Variants in MAP3K4 observed in about 807,000 individuals in gnomAD.
The protein encoded by MAP3K4 is mitogen-activated protein kinase kinase kinase 4.
A neutral mutation model predicts 185.6 loss-of-function variants in MAP3K4; 67 were observed. That is an observed-to-expected ratio of 0.36 (90% CI 0.30 to 0.44). The LOEUF (loss-of-function observed/expected upper bound fraction) is 0.44, where lower values mean the gene tolerates loss of function less well. Among genes scored for constraint, MAP3K4 ranks in the 20% least tolerant of loss-of-function variants. The pLI is 1.00. For synonymous variants in MAP3K4, 702 were observed against 710.4 expected (o/e 0.99, Z 0.19); for missense variants, 1,551 against 1,995.1 (o/e 0.78, Z 4.24).
rs537941818 is a variant in MAP3K4, at chr6:161,082,863, A to T, written c.2256-1638A>T. Among the ~76,000 whole-genome samples, 6 of 152,314 alleles carry T rather than the reference A, an allele frequency of 3.9e-5. No individual in the cohort carries two copies. The South Asian group carries it at 1.0e-3, about 26-fold the overall frequency. Reference sequence around the variant, plus strand: ...TCCTAGAGTTTATTCTCAACACCACAGCCTGAATGGTCTGGTTAAAGTGTA... The same window carrying T: ...TCCTAGAGTTTATTCTCAACACCACTGCCTGAATGGTCTGGTTAAAGTGTA... On this transcript the variant is annotated intron_variant, in intron 6 of 26. Transcript: ENST00000392142. This position sits in a 1 kb window ranked among gnomAD's most constrained non-coding sequence, Gnocchi z 4.2.
intron 19 of MAP3K4, among the ~76,000 whole-genome samples, chr6:161,104,833 G>A (rs574682517): frequency 1.3e-5 from 2 of 152,180 alleles, no homozygotes; most frequent in East Asian, 3.9e-4. Flanking sequence ...GATTTGCAGT[G>A]TTGTATATTG....
Position 161,086,801 on chromosome 6 carries a change from G to A in MAP3K4, c.2556+134G>A, listed in dbSNP as rs959975796. On this transcript the variant is annotated intron_variant, in intron 9 of 26. Coordinates refer to ENST00000392142, the MANE Select transcript of MAP3K4 (RefSeq NM_005922.4). This position sits in a 1 kb window ranked among gnomAD's most constrained non-coding sequence, Gnocchi z 4.8. ...GGCTGTACCACAACCCCAGTTGTAA[G>A]ACTGTCCTGTAATTCACCAGTGGAA... is the stretch of plus-strand genomic sequence containing the variant. The A allele has an allele frequency of 4.7e-6, 3 of 638,478 alleles. No individual in the cohort carries two copies. The African/African-American group carries it at 5.5e-5, about 12-fold the overall frequency. The allele number at this position is 638,478 out of a possible 1,614,324, so 39.6% of individuals were successfully genotyped here.
chr6:160,998,891 C>T (rs1781136660), intron 1 of MAP3K4, among the ~76,000 whole-genome samples: 1 of 152,174 alleles, frequency 6.6e-6, no homozygotes, highest in South Asian at 2.1e-4. Context: ...GTGCCTTTGC[C>T]TTTAAATATT....
At position 161,102,797 on chromosome 6, in the gene MAP3K4, GA is replaced by G; in HGVS notation, c.3856+20del. The G allele has an allele frequency of 3.3e-6, 2 of 601,408 alleles. No individual in the cohort carries two copies. Among genetic ancestry groups the G allele is most frequent in the African/African-American group, 2.2e-5 (1 of 46,234 alleles). 37.3% of individuals were successfully genotyped at this position (601,408 alleles called of 1,614,324 possible). On this transcript the variant is annotated intron_variant, in intron 19 of 26. Coordinates refer to ENST00000392142, the MANE Select transcript of MAP3K4 (RefSeq NM_005922.4). ...GAGTAAAGGTGAGAGAAAGAGTGTTGAAGTTAAAAAAAAAAAAAAAAAAAAA... is the reference window on the plus strand; with the variant it reads ...GAGTAAAGGTGAGAGAAAGAGTGTTGAGTTAAAAAAAAAAAAAAAAAAAAA...
At position 161,049,489 on chromosome 6, in the gene MAP3K4, A is replaced by T; in HGVS notation, c.1217A>T (p.Lys406Ile). ...WLNITKDLNQ[K>I]LRIMGTVLGI... Reference sequence around the variant, plus strand: ...AACATCACAAAAGACTTAAATCAGAAATTAAGGATTATGGGCACTGTTTTG... The same window carrying T: ...AACATCACAAAAGACTTAAATCAGATATTAAGGATTATGGGCACTGTTTTG... Residue 406 changes from lysine to isoleucine, a missense_variant, in exon 3 of 27, where the codon AAA becomes ATA. Physicochemically the swap from Lys to Ile is moderately radical, Grantham distance 102. Around this residue, in one of 16 missense-constraint regions of MAP3K4, gnomAD observed 24 missense variants for 48.5 expected, o/e 0.49. Transcript: ENST00000392142. This position sits in a 1 kb window ranked among gnomAD's most constrained non-coding sequence, Gnocchi z 8.4. 1 of 1,614,188 alleles carries T rather than the reference A, an allele frequency of 6.2e-7. No homozygotes were observed. The highest frequency in any genetic ancestry group is 8.5e-7 in the Non-Finnish European group (1 of 1,180,030).
rs745441121 is a variant in MAP3K4, at chr6:161,112,890, G to C, written c.4626+116G>C. 5.5e-6 allele frequency: 3 copies of C among 548,630 alleles called. No homozygotes were observed. The African/African-American group carries it at 5.8e-5, about 11-fold the overall frequency. The allele number at this position is 548,630 out of a possible 1,614,324, so 34.0% of individuals were successfully genotyped here. A position where few individuals can be genotyped will look rare whatever the true frequency, so the allele number is the denominator to read the frequency against. The stretch of plus-strand genomic sequence containing the variant: ...ACACTGTGGACACTAAATAGCGAAC[G>C]ATATTAGATACAAAAATCTGATCCA... On this transcript the variant is annotated intron_variant, in intron 25 of 26. Transcript: ENST00000392142. The surrounding 1 kb of genome is among the most constrained non-coding windows in gnomAD (Gnocchi z 5.1).
rs758885683 is a variant in MAP3K4 at position 161,048,285 on chromosome 6, A to G, written c.344-331A>G. The G allele has an allele frequency of 1.8e-6, 1 of 556,112 alleles. No homozygotes were observed. The highest frequency in any genetic ancestry group is 1.9e-5 in the Admixed American group (1 of 52,106). 34.4% of individuals were successfully genotyped at this position (556,112 alleles called of 1,614,324 possible). A position where few individuals can be genotyped will look rare whatever the true frequency, so the allele number is the denominator to read the frequency against. ...TCCCATGCTGTTTCTTCCTCCTTAA[A>G]TTGAAGGTGATTACTTACGGAAATT... is the stretch of plus-strand genomic sequence containing the variant. On this transcript the variant is annotated intron_variant, in intron 2 of 26. Coordinates refer to ENST00000392142, the MANE Select transcript of MAP3K4 (RefSeq NM_005922.4). The surrounding 1 kb of genome is among the most constrained non-coding windows in gnomAD (Gnocchi z 4.7).
Position 161,107,265 on chromosome 6 carries a change from A to G in MAP3K4, c.4048+560A>G, listed in dbSNP as rs932002279. On this transcript the variant is annotated intron_variant, in intron 20 of 26. Transcript: ENST00000392142. This position sits in a 1 kb window ranked among gnomAD's most constrained non-coding sequence, Gnocchi z 6.2. ...ACTTAAATATATTTATCTGTCACAC[A>G]TCTAGGTCTGAAGGGGGCGAACACA... Among the ~76,000 whole-genome samples, 3 of 152,166 alleles carry G rather than the reference A, an allele frequency of 2.0e-5. No individual in the cohort carries two copies. Among genetic ancestry groups the G allele is most frequent in the Non-Finnish European group, 4.4e-5 (3 of 68,032 alleles).
Position 161,070,939 on chromosome 6 carries a change from T to C in MAP3K4, c.1950+89T>C, listed in dbSNP as rs1373791969. The C allele has an allele frequency of 5.7e-6, 7 of 1,231,438 alleles. No individual in the cohort carries two copies. The highest frequency in any genetic ancestry group is 2.6e-5 in the East Asian group (1 of 38,948). 76.3% of individuals were successfully genotyped at this position (1,231,438 alleles called of 1,614,324 possible). On this transcript the variant is annotated intron_variant, in intron 4 of 26. Transcript: ENST00000392142. This position sits in a 1 kb window ranked among gnomAD's most constrained non-coding sequence, Gnocchi z 4.5. ...TTTATTTTGAGAGTTCCTTTTTTTT[T>C]CTTAATTGTCGCAAATAGTGAAAAA...
Position 161,087,207 on chromosome 6 carries a change from C to A in MAP3K4, c.2557-481C>A, listed in dbSNP as rs567784229. The stretch of plus-strand genomic sequence containing the variant: ...CCATACTGAGAGTGGGAGGGATGAC[C>A]TGCAGCGTGCCACCACATGTGTACC... On this transcript the variant is annotated intron_variant, in intron 9 of 26. Transcript: ENST00000392142. This position sits in a 1 kb window ranked among gnomAD's most constrained non-coding sequence, Gnocchi z 4.9. 1.3e-5 allele frequency among the ~76,000 whole-genome samples: 2 copies of A among 152,326 alleles called. No individual in the cohort carries two copies. The highest frequency in any genetic ancestry group is 4.8e-5 in the African/African-American group (2 of 41,564).
At chr6:161,035,755 C>T (rs957820688) in intron 2 of MAP3K4, among the ~76,000 whole-genome samples, 1 of 152,324 alleles carries the variant, frequency 6.6e-6, no homozygotes, top group East Asian at 1.9e-4. Context: ...GAAGTAGCAT[C>T]TACTGAATCA....
At chr6:161,019,621 C>T (rs2115107630) in intron 1 of MAP3K4, among the ~76,000 whole-genome samples, 1 of 152,262 alleles carries the variant, frequency 6.6e-6, no homozygotes, top group South Asian at 2.1e-4. Flanking sequence ...GTTGGCTTGG[C>T]CGGTCTTGAA....
chr6:161,052,928 G>C (rs1784070949), intron 3 of MAP3K4, among the ~76,000 whole-genome samples: 1 of 152,136 alleles, frequency 6.6e-6, no homozygotes, highest in African/African-American at 2.4e-5. Flanking sequence ...CGAAGCCTTT[G>C]CATTTATAGA....
intron 11 of MAP3K4, among the ~76,000 whole-genome samples, 182 bp downstream of exon 11, chr6:161,089,653 A>G (rs1785927579): frequency 6.6e-6 from 1 of 152,192 alleles, no homozygotes; most frequent in Non-Finnish European, 1.5e-5. Context: ...TTCTTCCTGA[A>G]GCTGTAGAAC....
At chr6:161,002,179 A>G (rs1781354402) in intron 1 of MAP3K4, among the ~76,000 whole-genome samples, 2 of 150,970 alleles carry the variant, frequency 1.3e-5, no homozygotes, top group South Asian at 4.1e-4. Context: ...ATCATAAATC[A>G]TGCTGCTAAA....
chr6:161,079,525 C>T (rs1785344322), intron 5 of MAP3K4, among the ~76,000 whole-genome samples: 1 of 152,128 alleles, frequency 6.6e-6, no homozygotes, highest in Non-Finnish European at 1.5e-5. Flanking sequence ...TGCGGTGAGC[C>T]GAGATCGTGC....
Position 161,116,627 on chromosome 6 carries a change from T to C in MAP3K4, c.4807-223T>C, listed in dbSNP as rs1778600503. On this transcript the variant is annotated intron_variant, in intron 26 of 26. Transcript: ENST00000392142. The surrounding 1 kb of genome is among the most constrained non-coding windows in gnomAD (Gnocchi z 6.2). Reference sequence around the variant, plus strand: ...GACCTGAGAGTGCATATAGGCGTTTTAGAAAATGCTTTCATTAGTCAGTTC... The same window carrying C: ...GACCTGAGAGTGCATATAGGCGTTTCAGAAAATGCTTTCATTAGTCAGTTC... Among the ~76,000 whole-genome samples the C allele has an allele frequency of 1.3e-5, 2 of 152,214 alleles. No homozygotes were observed. The highest frequency in any genetic ancestry group is 4.8e-5 in the African/African-American group (2 of 41,460).
chr6:161,026,950 C>T (rs1274813947), intron 1 of MAP3K4, among the ~76,000 whole-genome samples: 7 of 151,686 alleles, frequency 4.6e-5, no homozygotes, highest in South Asian at 2.1e-4. Context: ...TGGGCTAATT[C>T]GTCTCTTTAT....
chr6:160,991,895 T>C lies in MAP3K4; in HGVS notation c.-37T>C. On this transcript the variant is annotated 5_prime_UTR_variant, in exon 1 of 27. Coordinates refer to ENST00000392142, the MANE Select transcript of MAP3K4 (RefSeq NM_005922.4). The surrounding 1 kb of genome is among the most constrained non-coding windows in gnomAD (Gnocchi z 5.7). ...CGGTGCCCCGCGCCAGGCTGCAGCT[T>C]ACTGCCCGCCGCGGCCATGCGGGGC... 2 of 1,487,786 alleles carry C rather than the reference T, an allele frequency of 1.3e-6. No homozygotes were observed. Among genetic ancestry groups the C allele is most frequent in the Non-Finnish European group, 1.8e-6 (2 of 1,127,692 alleles). 92.2% of individuals were successfully genotyped at this position (1,487,786 alleles called of 1,614,324 possible).
Sources: allele counts gnomAD v4.1 joint callset (sites outside exome capture counted in the v4.1 genomes callset), GRCh38; gene constraint gnomAD v4.1.1; regional missense constraint gnomAD v4.1.1; non-coding constraint Gnocchi (gnomAD v3.1); transcripts MANE v1.5; gene names NCBI Gene and HGNC (gene_info 2026-07-23, HGNC 2026-07-21).